The following SHD variants were observed in gnomAD, a reference collection of about 807,000 sequenced individuals.
The protein encoded by SHD is Src homology 2 domain containing transforming protein D.
A neutral mutation model predicts 31.2 loss-of-function variants in SHD; 29 were observed. That is an observed-to-expected ratio of 0.93 (90% CI 0.69 to 1.27). SHD has a LOEUF of 1.27. Among genes scored for constraint, SHD ranks in the 50% most tolerant of loss-of-function variants. The pLI is 0.00. For synonymous variants in SHD, 208 were observed against 187.8 expected (o/e 1.11, Z -0.88); for missense variants, 520 against 453.8 (o/e 1.15, Z -1.33).
chr19:4,282,504 T>A (rs76440489), intron 1 of SHD, among the ~76,000 whole-genome samples: 3,286 of 152,018 alleles, frequency 0.022, 139 homozygotes, highest in East Asian at 0.19. Flanking sequence ...GGCGGGCAGA[T>A]CACGAGGTCA....
At chr19:4,280,480 C>A in intron 1 of SHD, 120 bp downstream of exon 1, 5 of 1,091,620 alleles carry the variant, frequency 4.6e-6, no homozygotes, top group South Asian at 1.7e-5. Context: ...CCAGACAGAC[C>A]CTTCCCAGTC....
rs1370952124 is a variant in SHD at position 4,286,668 on chromosome 19, G to A, written c.717-1575G>A. 2.0e-5 allele frequency among the ~76,000 whole-genome samples: 3 copies of A among 151,578 alleles called. No homozygotes were observed. In the East Asian group the frequency reaches 5.8e-4, roughly 30 times the overall value. ...TTATCCCAGCACTTTGGGAGGCCGGGGTGGGCAGATCATGAGGTCAAGAGA... is the reference window on the plus strand; with the variant it reads ...TTATCCCAGCACTTTGGGAGGCCGGAGTGGGCAGATCATGAGGTCAAGAGA... On this transcript the variant is annotated intron_variant, in intron 4 of 5. Transcript: ENST00000543264.
In SHD at chr19:4,279,919, C is replaced by A. The variant is rs547499359; in HGVS notation, c.-145C>A. 1.6e-4 allele frequency: 164 copies of A among 1,016,934 alleles called. No homozygotes were observed. The African/African-American group carries it at 2.5e-3, about 16-fold the overall frequency. 63.0% of individuals were successfully genotyped at this position (1,016,934 alleles called of 1,614,324 possible). ...CCTTCCCTCTATCCATCCAGAGCCC[C>A]GCCAAAGGGCGCACCTGATCTTTCT... On this transcript the variant is annotated 5_prime_UTR_variant, in exon 1 of 6. Coordinates refer to ENST00000543264, the MANE Select transcript of SHD (RefSeq NM_020209.4). The surrounding 1 kb of genome is among the most constrained non-coding windows in gnomAD (Gnocchi z 7.5).
At chr19:4,286,798 T>C (rs975120804) in intron 4 of SHD, among the ~76,000 whole-genome samples, 1 of 151,872 alleles carries the variant, frequency 6.6e-6, no homozygotes, top group Non-Finnish European at 1.5e-5. Flanking sequence ...GAGAATCTCT[T>C]GAACCTGCGA....
In SHD at chr19:4,284,808, G is replaced by A. The variant is rs144672396; in HGVS notation, c.620G>A (p.Arg207Lys). Residue 207 changes from arginine (R) to lysine (K), a missense_variant, in exon 4 of 6, where the codon AGG (arginine) becomes AAG (lysine). Transcript: ENST00000543264. ...CAGTTTGACAGTCCAGAGTGGGAGA[G>A]GACTCCAGGCTCAGCCAAGGAGCTC... Reference protein sequence around the residue: ...AVQFDSPEWERTPGSAKELRR... With the variant: ...AVQFDSPEWEKTPGSAKELRR... 53 of 1,612,298 alleles carry A rather than the reference G, an allele frequency of 3.3e-5. No homozygotes were observed. The African/African-American group carries it at 4.8e-4, about 15-fold the overall frequency.
Position 4,290,544 on chromosome 19 carries a change from C to T in SHD, c.934C>T (p.Leu312Phe). 6.2e-7 allele frequency: 1 copy of T among 1,613,706 alleles called. No individual in the cohort carries two copies. The highest frequency in any genetic ancestry group is 8.5e-7 in the Non-Finnish European group (1 of 1,180,022). The change falls in exon 6 of 6, where the codon CTC becomes TTC. Residue 312 changes from leucine to phenylalanine, a missense_variant. Physicochemically the swap from Leu to Phe is conservative, Grantham distance 22. Transcript: ENST00000543264. ...HSGPFPSVPE[L>F]VLHYSSRPLP... ...CGGGCCCTTCCCCAGCGTGCCCGAGCTCGTCCTCCACTACAGTTCACGCCC... is the reference window on the plus strand; with the variant it reads ...CGGGCCCTTCCCCAGCGTGCCCGAGTTCGTCCTCCACTACAGTTCACGCCC...
chr19:4,285,074 G>A (rs1380603841), intron 4 of SHD, among the ~76,000 whole-genome samples, 170 bp downstream of exon 4: 1 of 152,178 alleles, frequency 6.6e-6, no homozygotes, highest in Non-Finnish European at 1.5e-5. Flanking sequence ...CCTGCTGCGT[G>A]CCAGGCACCC....
chr19:4,287,091 T>C (rs2144719722), intron 4 of SHD, among the ~76,000 whole-genome samples: 1 of 152,100 alleles, frequency 6.6e-6, no homozygotes, highest in Middle Eastern at 3.4e-3. Context: ...CCCAGCACTT[T>C]GGGAGGCCGA....
Position 4,282,988 on chromosome 19 carries a change from G to C in SHD, c.403+13G>C. On this transcript the variant is annotated intron_variant, in intron 2 of 5. Coordinates refer to ENST00000543264, the MANE Select transcript of SHD (RefSeq NM_020209.4). ...TGGGTCATGAGTGGTGAGTAGGCAC[G>C]GCTTGGGGGAAGGTGACAGGGTCCC... 6.2e-7 allele frequency: 1 copy of C among 1,614,058 alleles called. No individual in the cohort carries two copies. Among genetic ancestry groups the C allele is most frequent in the Non-Finnish European group, 8.5e-7 (1 of 1,179,990 alleles).
In SHD at chr19:4,284,726, C is replaced by A. The variant is rs562723018; in HGVS notation, c.593-55C>A. On this transcript the variant is annotated intron_variant, in intron 3 of 5. Coordinates refer to ENST00000543264, the MANE Select transcript of SHD (RefSeq NM_020209.4). ...GAGATTCCATTGGCTTGCCCCTGCC[C>A]CGCCCCCCAAGGTAGGCTGGACTTA... The A allele has an allele frequency of 8.6e-5, 122 of 1,419,480 alleles. 1 individual carries two copies. The South Asian group carries it at 1.3e-3, about 15-fold the overall frequency. 87.9% of individuals were successfully genotyped at this position (1,419,480 alleles called of 1,614,324 possible). A position where few individuals can be genotyped will look rare whatever the true frequency, so the allele number is the denominator to read the frequency against.
chr19:4,284,970 C>A, intron 4 of SHD, 66 bp downstream of exon 4: 17 of 1,397,464 alleles, frequency 1.2e-5, no homozygotes, highest in Non-Finnish European at 1.6e-5. Context: ...ATGTATCAGG[C>A]AGAAGTTTTT....
Position 4,290,496 on chromosome 19 carries a change from CA to C in SHD, c.887del (p.Gln296ArgfsTer71), listed in dbSNP as rs1299985164. On this transcript the variant is annotated frameshift_variant, in exon 6 of 6. Transcript: ENST00000543264. LOFTEE classifies it low-confidence loss of function (END_TRUNC). ...HLKFARTREN[Q>X]VVLGQHSGPF... Reference sequence around the variant, plus strand: ...GAAGTTCGCGCGGACCCGTGAGAACCAGGTGGTGCTGGGCCAACACAGCGGG... The same window carrying C: ...GAAGTTCGCGCGGACCCGTGAGAACCGGTGGTGCTGGGCCAACACAGCGGG... 1 of 1,613,460 alleles carries C rather than the reference CA, an allele frequency of 6.2e-7. No homozygotes were observed. Among genetic ancestry groups the C allele is most frequent in the African/African-American group, 1.3e-5 (1 of 74,884 alleles).
chr19:4,283,378 G>C lies in SHD; in HGVS notation c.592+136G>C, dbSNP rs1056823485. On this transcript the variant is annotated intron_variant, in intron 3 of 5. Transcript: ENST00000543264. ...TTGTAGTTTGTTAATTCTCACTAGA[G>C]TGTGAATGACTGATAGTCCTAAATT... The C allele has an allele frequency of 3.3e-6, 3 of 920,106 alleles. No homozygotes were observed. The African/African-American group carries it at 5.0e-5, about 15-fold the overall frequency. 57.0% of individuals were successfully genotyped at this position (920,106 alleles called of 1,614,324 possible). A position where few individuals can be genotyped will look rare whatever the true frequency, so the allele number is the denominator to read the frequency against.
chr19:4,286,226 CTTTCTTTT>C (rs147911471), intron 4 of SHD, among the ~76,000 whole-genome samples: 22,349 of 110,848 alleles, frequency 0.2, 2,258 homozygotes, highest in South Asian at 0.27. Context: ...TTCTTTCTTT[CTTTCTTTT>C]CTTTCTTTCT....
At chr19:4,289,674 C>T (rs1485532197) in intron 5 of SHD, among the ~76,000 whole-genome samples, 1 of 151,286 alleles carries the variant, frequency 6.6e-6, no homozygotes, top group Non-Finnish European at 1.5e-5. Flanking sequence ...GGGTTCACGC[C>T]ATTCTCCTGC....
chr19:4,281,776 GAAGT>G (rs1418953309), intron 1 of SHD, among the ~76,000 whole-genome samples: 3 of 151,958 alleles, frequency 2.0e-5, no homozygotes, highest in Non-Finnish European at 4.4e-5. Flanking sequence ...AAATAAATAA[GAAGT>G]AAGACGTTGG....
chr19:4,289,274 C>A (rs1971351716), intron 5 of SHD, among the ~76,000 whole-genome samples: 2 of 150,956 alleles, frequency 1.3e-5, no homozygotes, highest in Admixed American at 1.3e-4. Context: ...CCACGCCCGG[C>A]TAATTTTTTT....
At chr19:4,286,637 C>T (rs911130413) in intron 4 of SHD, among the ~76,000 whole-genome samples, 6 of 152,176 alleles carry the variant, frequency 3.9e-5, no homozygotes, top group Non-Finnish European at 5.9e-5. Context: ...CGGTGGCTCA[C>T]GCCTGTTATC....
intron 3 of SHD, chr19:4,284,347 G>A (rs1265105257): frequency 6.5e-6 from 1 of 154,460 alleles, no homozygotes; most frequent in Admixed American, 6.5e-5. Context: ...TTTGGACCAG[G>A]AAGAGTTGTG....
Sources: gnomAD v4.1 joint callset for allele counts (sites outside exome capture counted in the v4.1 genomes callset) on GRCh38, gnomAD v4.1.1 for gene constraint, Gnocchi (gnomAD v3.1) non-coding constraint, MANE v1.5 for transcripts, NCBI Gene and HGNC (gene_info 2026-07-23, HGNC 2026-07-21) for gene names.